Variants in SGCZ observed in about 807,000 individuals in gnomAD.
The protein encoded by SGCZ is zeta-sarcoglycan.
SGCZ carries 40 observed loss-of-function variants against 41.3 expected under a neutral mutation model. The observed-to-expected ratio is 0.97, with a 90% confidence interval of 0.75 to 1.26. The LOEUF (loss-of-function observed/expected upper bound fraction) is 1.26. Among genes scored for constraint, SGCZ ranks in the 50% most tolerant of loss-of-function variants. The pLI, the probability that SGCZ is intolerant of heterozygous loss-of-function variation, is 0.00. For missense variants in SGCZ, 552 were observed against 369.8 expected, an observed-to-expected ratio of 1.49 and a Z score of -4.04; for synonymous variants, 206 against 137.5, an observed-to-expected ratio of 1.50 and a Z score of -3.49.
At chr8:14,619,747 C>T (rs1024045716) in intron 1 of SGCZ, among the ~76,000 whole-genome samples, 9 of 152,030 alleles carry the variant, frequency 5.9e-5, no homozygotes, top group Non-Finnish European at 8.8e-5. Flanking sequence ...ATTTGAAGGA[C>T]CTTTTCAAGG....
intron 1 of SGCZ, among the ~76,000 whole-genome samples, chr8:14,585,434 T>C (rs950984806): frequency 6.6e-6 from 1 of 152,116 alleles, no homozygotes; most frequent in Non-Finnish European, 1.5e-5. Context: ...ATTTTTTCTA[T>C]TTTCATTGTA....
chr8:14,973,973 T>C (rs548512056), intron 1 of SGCZ, among the ~76,000 whole-genome samples: 6 of 152,280 alleles, frequency 3.9e-5, no homozygotes, highest in African/African-American at 1.4e-4. Context: ...AGGAAATGAA[T>C]TAAAGAGACA....
chr8:14,119,142 T>A (rs978634310), intron 5 of SGCZ, among the ~76,000 whole-genome samples: 1 of 152,108 alleles, frequency 6.6e-6, no homozygotes, highest in African/African-American at 2.4e-5. Context: ...AATCTATAAA[T>A]TACTTTGGGC....
intron 1 of SGCZ, among the ~76,000 whole-genome samples, chr8:14,671,649 G>A (rs1444311455): frequency 1.3e-5 from 2 of 152,048 alleles, no homozygotes; most frequent in African/African-American, 4.8e-5. Flanking sequence ...CAGAAACTAA[G>A]CCTGAGACAT....
chr8:14,254,529 A>G (rs1799396165), intron 3 of SGCZ, among the ~76,000 whole-genome samples: 2 of 152,236 alleles, frequency 1.3e-5, no homozygotes, highest in Non-Finnish European at 2.9e-5. Context: ...TAGTGTTAAA[A>G]AAGATTTTAA....
intron 1 of SGCZ, among the ~76,000 whole-genome samples, chr8:14,610,837 T>C (rs1235599012): frequency 6.6e-6 from 1 of 152,198 alleles, no homozygotes; most frequent in Admixed American, 6.5e-5. Flanking sequence ...AATTGAATTG[T>C]AAAGCTAAAG....
chr8:14,557,243 CT>C (rs1160238351), intron 1 of SGCZ, among the ~76,000 whole-genome samples: 1 of 149,080 alleles, frequency 6.7e-6, no homozygotes, highest in Non-Finnish European at 1.5e-5. Flanking sequence ...TTTTTGAGAA[CT>C]GTCTATTTAT....
chr8:14,349,951 G>C (rs1803027773), intron 2 of SGCZ, among the ~76,000 whole-genome samples: 1 of 152,102 alleles, frequency 6.6e-6, no homozygotes, highest in Non-Finnish European at 1.5e-5. Flanking sequence ...GTTTAACTGT[G>C]TTTAATCTAG....
rs190577921 is a variant in SGCZ at position 15,052,790 on chromosome 8, T to G, written c.39+184795A>C. On this transcript the variant is annotated intron_variant, in intron 1 of 7. Transcript: ENST00000382080. ...TAAAAAGCATATCCAATTTTAATTT[T>G]GCTTGACCCCAAATTTTCCAAGATA... Among the ~76,000 whole-genome samples the G allele has an allele frequency of 9.8e-5, 15 of 152,314 alleles. No individual in the cohort carries two copies. The East Asian group carries it at 2.9e-3, about 29-fold the overall frequency.
At chr8:14,827,837 C>A (rs991231857) in intron 1 of SGCZ, among the ~76,000 whole-genome samples, 1 of 152,078 alleles carries the variant, frequency 6.6e-6, no homozygotes, top group Non-Finnish European at 1.5e-5. Flanking sequence ...CATAAACACA[C>A]ATTAATAAAC....
intron 2 of SGCZ, among the ~76,000 whole-genome samples, chr8:14,551,716 G>T (rs776470510): frequency 1.1e-5 from 1 of 89,084 alleles, no homozygotes; most frequent in Admixed American, 1.2e-4. Context: ...TCTATCCTAA[G>T]TCTTTCATCC....
At chr8:15,140,720 G>C (rs1808288758) in intron 1 of SGCZ, among the ~76,000 whole-genome samples, 1 of 152,092 alleles carries the variant, frequency 6.6e-6, no homozygotes, top group Non-Finnish European at 1.5e-5. Flanking sequence ...GCGATTCAGA[G>C]AGCTTTCTTT....
At chr8:15,034,045 G>A (rs1803783205) in intron 1 of SGCZ, among the ~76,000 whole-genome samples, 1 of 151,650 alleles carries the variant, frequency 6.6e-6, no homozygotes, top group Non-Finnish European at 1.5e-5. Context: ...AAATTAAGAA[G>A]AAATATTAAA....
At chr8:14,119,763 TA>T (rs781088891) in intron 5 of SGCZ, among the ~76,000 whole-genome samples, 2 of 152,202 alleles carry the variant, frequency 1.3e-5, no homozygotes, top group Non-Finnish European at 2.9e-5. Flanking sequence ...TGAGAGTTTT[TA>T]GCATGAAGTG....
chr8:14,560,030 T>C (rs1804160708), intron 1 of SGCZ, among the ~76,000 whole-genome samples: 1 of 152,118 alleles, frequency 6.6e-6, no homozygotes, highest in African/African-American at 2.4e-5. Context: ...GTTCTGACAG[T>C]GGTTTTGATA....
At chr8:15,103,180 C>T (rs1167476869) in intron 1 of SGCZ, among the ~76,000 whole-genome samples, 2 of 152,168 alleles carry the variant, frequency 1.3e-5, no homozygotes, top group South Asian at 4.1e-4. Context: ...GCAGATGCAT[C>T]AGCTGAGGTC....
chr8:14,465,116 C>G (rs1367710763), intron 2 of SGCZ, among the ~76,000 whole-genome samples: 1 of 151,528 alleles, frequency 6.6e-6, no homozygotes, highest in Non-Finnish European at 1.5e-5. Context: ...TGTTCATGTC[C>G]CCTAATTCCT....
At chr8:14,792,262 A>G (rs1019149791) in intron 1 of SGCZ, among the ~76,000 whole-genome samples, 1 of 152,178 alleles carries the variant, frequency 6.6e-6, no homozygotes, top group Non-Finnish European at 1.5e-5. Context: ...ATTTTTTCTT[A>G]ATGATTAAGA....
chr8:15,180,577 C>T (rs904539690), intron 1 of SGCZ, among the ~76,000 whole-genome samples: 1 of 148,814 alleles, frequency 6.7e-6, no homozygotes, highest in African/African-American at 2.5e-5. Context: ...ATACAAAGAA[C>T]AAGTTAAAAA....
Sources: allele counts gnomAD v4.1 joint callset (sites outside exome capture counted in the v4.1 genomes callset), GRCh38; gene constraint gnomAD v4.1.1; transcripts MANE v1.5; gene names NCBI Gene and HGNC (gene_info 2026-07-23, HGNC 2026-07-21).